Variants in GNG12 observed in about 807,000 individuals in gnomAD.
GNG12 encodes guanine nucleotide-binding protein G(I)/G(S)/G(O) subunit gamma-12.
For synonymous variants in GNG12, 28 were observed against 29.7 expected (o/e 0.94, Z 0.19); for missense variants, 69 against 83.8 (o/e 0.82, Z 0.69).
chr1:67,710,363 T>A (rs1285762441), intron 2 of GNG12, among the ~76,000 whole-genome samples: 2 of 149,930 alleles, frequency 1.3e-5, no homozygotes, highest in East Asian at 3.9e-4. Flanking sequence ...GTGGTTTCTA[T>A]GTTGCACCCT....
intron 1 of GNG12, among the ~76,000 whole-genome samples, chr1:67,811,463 AAAT>A (rs1646925535): frequency 6.6e-6 from 1 of 152,202 alleles, no homozygotes; most frequent in African/African-American, 2.4e-5. Flanking sequence ...TGCTGCGGTA[AAAT>A]AATACTTCCT....
intron 1 of GNG12, among the ~76,000 whole-genome samples, chr1:67,799,483 A>AG (rs2100794505): frequency 6.6e-6 from 1 of 152,320 alleles, no homozygotes; most frequent in South Asian, 2.1e-4. Context: ...GTATCTAGTT[A>AG]GGTACTGCCA....
intron 2 of GNG12, among the ~76,000 whole-genome samples, chr1:67,712,920 G>T (rs1646304449): frequency 6.6e-6 from 1 of 151,786 alleles, no homozygotes; most frequent in Admixed American, 6.6e-5. Flanking sequence ...GTAGAGATAG[G>T]GTTTTACCAC....
chr1:67,760,435 A>G (rs1328585646), intron 2 of GNG12, among the ~76,000 whole-genome samples: 1 of 152,190 alleles, frequency 6.6e-6, no homozygotes, highest in Non-Finnish European at 1.5e-5. Flanking sequence ...TTGACCAACC[A>G]CGACACCTAG....
intron 3 of GNG12, among the ~76,000 whole-genome samples, chr1:67,707,144 G>A (rs1196616193): frequency 6.6e-6 from 1 of 152,130 alleles, no homozygotes; most frequent in Non-Finnish European, 1.5e-5. Context: ...GGTCACTGAG[G>A]GCCAAACACA....
chr1:67,802,299 T>C (rs1446033991), intron 1 of GNG12, among the ~76,000 whole-genome samples: 1 of 152,116 alleles, frequency 6.6e-6, no homozygotes, highest in Non-Finnish European at 1.5e-5. Context: ...TGTGATATTG[T>C]AAATTAGGGC....
chr1:67,783,914 C>T (rs1241391412), intron 1 of GNG12, among the ~76,000 whole-genome samples: 14 of 149,816 alleles, frequency 9.3e-5, no homozygotes, highest in Admixed American at 7.3e-4. Flanking sequence ...GTGGCGATTC[C>T]TCAGGGATCT....
intron 1 of GNG12, among the ~76,000 whole-genome samples, chr1:67,805,027 G>C (rs917428483): frequency 1.3e-5 from 2 of 152,154 alleles, no homozygotes; most frequent in African/African-American, 4.8e-5. Context: ...AGCCTAATCT[G>C]TTTGGGTTTT....
chr1:67,766,102 A>G (rs932744092), intron 2 of GNG12, among the ~76,000 whole-genome samples: 6 of 132,802 alleles, frequency 4.5e-5, no homozygotes, highest in African/African-American at 1.6e-4. Context: ...AACAAGGCAC[A>G]CACGCACACA....
chr1:67,737,077 C>A (rs993695047), intron 2 of GNG12, among the ~76,000 whole-genome samples: 1 of 152,172 alleles, frequency 6.6e-6, no homozygotes, highest in Non-Finnish European at 1.5e-5. Flanking sequence ...TCCACGTAGG[C>A]TGCTAAGCTT....
chr1:67,820,609 T>C (rs1177507726), intron 1 of GNG12, among the ~76,000 whole-genome samples: 1 of 152,168 alleles, frequency 6.6e-6, no homozygotes, highest in Non-Finnish European at 1.5e-5. Context: ...CCAGAGGCTG[T>C]TGGACAGCAA....
intron 1 of GNG12, among the ~76,000 whole-genome samples, chr1:67,821,016 A>G (rs1028103459): frequency 6.6e-6 from 1 of 152,220 alleles, no homozygotes; most frequent in Non-Finnish European, 1.5e-5. Flanking sequence ...TACTTTAAAT[A>G]TATCAGTAGC....
chr1:67,724,400 C>T (rs957558801), intron 2 of GNG12, among the ~76,000 whole-genome samples: 10 of 152,252 alleles, frequency 6.6e-5, no homozygotes, highest in Admixed American at 5.2e-4. Flanking sequence ...CAATTCCATT[C>T]GTTCATTCGA....
At chr1:67,817,812 T>C (rs1404710811) in intron 1 of GNG12, among the ~76,000 whole-genome samples, 5 of 135,504 alleles carry the variant, frequency 3.7e-5, no homozygotes, top group Admixed American at 3.0e-4. Flanking sequence ...TTTTTTGCGA[T>C]GTCTCATTCT....
chr1:67,797,417 G>C (rs938656118), intron 1 of GNG12, among the ~76,000 whole-genome samples: 2 of 152,124 alleles, frequency 1.3e-5, no homozygotes, highest in African/African-American at 4.8e-5. Context: ...TACCACACAA[G>C]ACCATTCAGA....
At chr1:67,818,087 A>G (rs1646964290) in intron 1 of GNG12, among the ~76,000 whole-genome samples, 2 of 152,074 alleles carry the variant, frequency 1.3e-5, no homozygotes, top group African/African-American at 4.8e-5. Flanking sequence ...GCACCTGGTC[A>G]ATAAATGTTT....
In GNG12 at chr1:67,705,542, C is replaced by A; in HGVS notation, c.128G>T (p.Cys43Phe). 6.2e-7 allele frequency: 1 copy of A among 1,613,860 alleles called. No homozygotes were observed. Among genetic ancestry groups the A allele is most frequent in the Non-Finnish European group, 8.5e-7 (1 of 1,179,942 alleles). Residue 43 changes from cysteine (C) to phenylalanine (F), a missense_variant, in exon 4 of 4, where the codon TGT (cysteine) becomes TTT (phenylalanine). Transcript: ENST00000370982. ...SKASADLMSY[C>F]EEHARSDPLL... ...AGGGTCACTCCTGGCATGTTCCTCA[C>A]AGTAGGACATGAGGTCCGCTGATGC...
intron 2 of GNG12, among the ~76,000 whole-genome samples, chr1:67,744,700 C>G (rs1163157918): frequency 6.6e-6 from 1 of 152,140 alleles, no homozygotes. Flanking sequence ...CTCATTTCAT[C>G]CTCACTAGAA....
chr1:67,763,121 A>AGAGAGAGAGAGAGAGAGAG (rs1646616460), intron 2 of GNG12, among the ~76,000 whole-genome samples: 1 of 25,864 alleles, frequency 3.9e-5, no homozygotes, highest in Non-Finnish European at 9.5e-5. Flanking sequence ...GAGAGAGAGA[A>AGAGAGAGAGAGAGAGAGAG]TCAATATGAA....
Sources: gnomAD v4.1 joint callset for allele counts (sites outside exome capture counted in the v4.1 genomes callset) on GRCh38, gnomAD v4.1.1 for gene constraint, MANE v1.5 for transcripts, NCBI Gene and HGNC (gene_info 2026-07-23, HGNC 2026-07-21) for gene names.